The following ZFHX3 variants were observed in gnomAD, a reference collection of about 807,000 sequenced individuals.
The protein encoded by ZFHX3 is zinc finger homeobox 3, also known as zinc finger homeobox protein 3.
Under a neutral mutation model 279.1 loss-of-function variants are expected in ZFHX3, and 42 were observed. That is an observed-to-expected ratio of 0.15 (90% CI 0.12 to 0.19). The LOEUF (loss-of-function observed/expected upper bound fraction) is 0.19, where lower values mean the gene tolerates loss of function less well. ZFHX3 is among the 10% of genes least tolerant of loss of function. The pLI is 1.00. For missense variants in ZFHX3, 4,981 were observed against 4,754.0 expected, an observed-to-expected ratio of 1.05 and a Z score of -1.40; for synonymous variants, 2,293 against 1,957.8, an observed-to-expected ratio of 1.17 and a Z score of -4.52.
intron 2 of ZFHX3, among the ~76,000 whole-genome samples, chr16:73,592,636 T>C (rs1000094445): frequency 6.6e-6 from 1 of 152,152 alleles, no homozygotes; most frequent in African/African-American, 2.4e-5. Flanking sequence ...TGAAACAGAT[T>C]GACCATATGT....
chr16:73,615,847 G>A (rs933169273), intron 2 of ZFHX3, among the ~76,000 whole-genome samples: 1 of 152,072 alleles, frequency 6.6e-6, no homozygotes, highest in Admixed American at 6.6e-5. Context: ...AATTGTAACC[G>A]TTCACTCCAG....
intron 2 of ZFHX3, among the ~76,000 whole-genome samples, chr16:73,671,310 C>T (rs182236180): frequency 6.6e-5 from 10 of 152,212 alleles, no homozygotes; most frequent in African/African-American, 1.9e-4. Flanking sequence ...AGAACAGCAA[C>T]GGAAACAGGG....
intron 7 of ZFHX3, chr16:72,807,644 G>A (rs1206056704): frequency 1.3e-5 from 2 of 152,120 alleles, no homozygotes; most frequent in Non-Finnish European, 2.9e-5. Flanking sequence ...CATTTATCAG[G>A]GTGGAATTTA....
intron 3 of ZFHX3, among the ~76,000 whole-genome samples, chr16:72,905,895 C>G (rs918741069): frequency 1.3e-5 from 2 of 152,184 alleles, no homozygotes; most frequent in African/African-American, 4.8e-5. Flanking sequence ...CCTAATCTAA[C>G]TGTTGCCAGG....
chr16:73,549,644 T>C (rs2020173747), intron 2 of ZFHX3, among the ~76,000 whole-genome samples: 1 of 152,222 alleles, frequency 6.6e-6, no homozygotes, highest in Non-Finnish European at 1.5e-5. Flanking sequence ...TAAAGAACCT[T>C]ATAATTTAAA....
intron 7 of ZFHX3, among the ~76,000 whole-genome samples, chr16:73,106,652 T>C (rs550120741): frequency 6.6e-5 from 10 of 152,260 alleles, no homozygotes; most frequent in Non-Finnish European, 1.3e-4. Context: ...TCTGTGCAAG[T>C]TGGAAAAAGC....
intron 1 of ZFHX3, among the ~76,000 whole-genome samples, chr16:73,779,373 G>A (rs1457126973): frequency 1.3e-5 from 2 of 151,774 alleles, no homozygotes; most frequent in Non-Finnish European, 2.9e-5. Context: ...CTGAGAAAAA[G>A]ACAACAATGA....
At chr16:72,932,264 C>A (rs1417603504) in intron 3 of ZFHX3, among the ~76,000 whole-genome samples, 1 of 152,088 alleles carries the variant, frequency 6.6e-6, no homozygotes, top group Non-Finnish European at 1.5e-5. Context: ...TTATGTGGGA[C>A]AATATGATAA....
At chr16:72,885,701 G>C (rs1344547992) in intron 4 of ZFHX3, among the ~76,000 whole-genome samples, 1 of 152,182 alleles carries the variant, frequency 6.6e-6, no homozygotes, top group Non-Finnish European at 1.5e-5. Flanking sequence ...AAAGGACAAG[G>C]GGTTATTTCT....
chr16:73,580,515 A>T (rs1351346806), intron 2 of ZFHX3, among the ~76,000 whole-genome samples: 1 of 151,846 alleles, frequency 6.6e-6, no homozygotes, highest in Non-Finnish European at 1.5e-5. Flanking sequence ...AAACAAAAAA[A>T]AAAAAACAGA....
At chr16:73,362,833 GAGTACGGTCAAACAA>G (rs2016455889) in intron 3 of ZFHX3, among the ~76,000 whole-genome samples, 1 of 152,238 alleles carries the variant, frequency 6.6e-6, no homozygotes, top group African/African-American at 2.4e-5. Context: ...ATAGCAAACA[GAGTACGGTCAAACAA>G]AACTCCTGGC....
intron 1 of ZFHX3, among the ~76,000 whole-genome samples, chr16:73,833,153 A>C (rs1360180150): frequency 6.6e-6 from 1 of 152,188 alleles, no homozygotes; most frequent in African/African-American, 2.4e-5. Context: ...GCTCGAGGCC[A>C]GGAGTTCTAG....
rs575795800 is a variant in ZFHX3, at chr16:73,635,244, G to A, written c.-1547+44936C>T. On this transcript the variant is annotated intron_variant, in intron 2 of 17. Transcript: ENST00000641206. The stretch of plus-strand genomic sequence containing the variant: ...AAAGGGAAAGTAAGAAACTCCTGAG[G>A]ATTTTTACTGGTGGGAATAGGCACA... Among the ~76,000 whole-genome samples, 15 of 152,220 alleles carry A rather than the reference G, an allele frequency of 9.9e-5. No individual in the cohort carries two copies. The South Asian group carries it at 3.1e-3, about 32-fold the overall frequency.
At chr16:72,824,713 T>C (rs186585737) in intron 5 of ZFHX3, among the ~76,000 whole-genome samples, 43 of 152,360 alleles carry the variant, frequency 2.8e-4, no homozygotes, top group Admixed American at 2.1e-3. Context: ...ATTTTTCCCC[T>C]AATTATTGGT....
chr16:72,946,893 AG>A, intron 3 of ZFHX3, among the ~76,000 whole-genome samples: 1 of 152,230 alleles, frequency 6.6e-6, no homozygotes, highest in Admixed American at 6.5e-5. Context: ...AGGACCCCGG[AG>A]CTCAGTCCCA....
intron 4 of ZFHX3, among the ~76,000 whole-genome samples, chr16:73,312,135 A>G (rs6564635): frequency 0.78 from 119,376 of 152,082 alleles, 47,255 homozygotes; most frequent in African/African-American, 0.87. Context: ...TGAAATTGTG[A>G]CACGTGACAA....
intron 1 of ZFHX3, among the ~76,000 whole-genome samples, chr16:73,710,091 GAGAAT>G (rs956905744): frequency 6.6e-6 from 1 of 152,178 alleles, no homozygotes; most frequent in African/African-American, 2.4e-5. Flanking sequence ...GCTGAGGCAG[GAGAAT>G]TTCTTGAACC....
At chr16:73,693,943 C>G (rs1597069699) in intron 1 of ZFHX3, among the ~76,000 whole-genome samples, 1 of 151,672 alleles carries the variant, frequency 6.6e-6, no homozygotes, top group East Asian at 1.9e-4. Context: ...TCAAGCCTGT[C>G]AGTTTTATGG....
At chr16:73,557,003 GA>G (rs1358963284) in intron 2 of ZFHX3, among the ~76,000 whole-genome samples, 1 of 146,184 alleles carries the variant, frequency 6.8e-6, no homozygotes, top group Non-Finnish European at 1.5e-5. Context: ...GCTGAGGCAG[GA>G]GAATGGCATC....
Sources: gnomAD v4.1 joint callset for allele counts (sites outside exome capture counted in the v4.1 genomes callset) on GRCh38, gnomAD v4.1.1 for gene constraint, MANE v1.5 for transcripts, NCBI Gene and HGNC (gene_info 2026-07-23, HGNC 2026-07-21) for gene names.